Variants in B3GALT1 observed in about 807,000 individuals in gnomAD.
The protein encoded by B3GALT1 is UDP-Gal:betaGlcNAc beta 1,3-galactosyltransferase, polypeptide 1.
A neutral mutation model predicts 23.2 loss-of-function variants in B3GALT1; 10 were observed. The observed-to-expected ratio is 0.43, with a 90% confidence interval of 0.27 to 0.73. B3GALT1 has a LOEUF of 0.73. Among genes scored for constraint, B3GALT1 ranks in the 30% least tolerant of loss-of-function variants. The probability of loss-of-function intolerance (pLI) is 0.21; values close to 1 mark genes in which losing one functional copy is unlikely to be tolerated. For synonymous variants in B3GALT1, 156 were observed against 141.5 expected (o/e 1.10, Z -0.73); for missense variants, 299 against 405.4 (o/e 0.74, Z 2.25).
chr2:167,716,534 C>T (rs977591494), intron 3 of B3GALT1, among the ~76,000 whole-genome samples: 1 of 152,040 alleles, frequency 6.6e-6, no homozygotes, highest in Non-Finnish European at 1.5e-5. Flanking sequence ...TTTTTTCATC[C>T]TTTTAATTTG....
At chr2:167,604,224 T>C (rs1684924599) in intron 2 of B3GALT1, among the ~76,000 whole-genome samples, 1 of 152,152 alleles carries the variant, frequency 6.6e-6, no homozygotes. Context: ...AAGGAAACTT[T>C]AATATACTGA....
At chr2:167,600,164 T>C (rs980008544) in intron 2 of B3GALT1, among the ~76,000 whole-genome samples, 1 of 152,112 alleles carries the variant, frequency 6.6e-6, no homozygotes, top group Non-Finnish European at 1.5e-5. Context: ...TGAAATGACC[T>C]TCAAAATCAA....
chr2:167,699,338 G>A (rs894851903), intron 3 of B3GALT1, among the ~76,000 whole-genome samples: 15 of 149,670 alleles, frequency 1.0e-4, no homozygotes, highest in Non-Finnish European at 1.0e-4. Flanking sequence ...GTTGCAGGAA[G>A]GGTACAATAC....
intron 2 of B3GALT1, among the ~76,000 whole-genome samples, chr2:167,563,371 T>C (rs1574139800): frequency 8.8e-6 from 1 of 113,670 alleles, no homozygotes. Flanking sequence ...CTCCCCCACC[T>C]CCCTCCCTCC....
At chr2:167,507,775 A>G (rs763173190) in intron 2 of B3GALT1, among the ~76,000 whole-genome samples, 1 of 152,170 alleles carries the variant, frequency 6.6e-6, no homozygotes, top group African/African-American at 2.4e-5. Flanking sequence ...TTAACATTGT[A>G]AGACAAACCA....
chr2:167,615,333 G>A (rs1375567144), intron 2 of B3GALT1, among the ~76,000 whole-genome samples: 1 of 151,864 alleles, frequency 6.6e-6, no homozygotes, highest in Non-Finnish European at 1.5e-5. Context: ...TGAAAAAATC[G>A]GATTCATAGA....
chr2:167,431,434 A>G (rs1016993611), intron 1 of B3GALT1, among the ~76,000 whole-genome samples: 5 of 152,226 alleles, frequency 3.3e-5, no homozygotes, highest in African/African-American at 1.2e-4. Context: ...AATGGCTAAA[A>G]TACATCTCTG....
intron 2 of B3GALT1, chr2:167,631,509 T>C (rs1161132939): frequency 6.6e-6 from 1 of 151,864 alleles, no homozygotes; most frequent in African/African-American, 2.4e-5. Flanking sequence ...CTGGAAAACC[T>C]GCTAGACAAA....
intron 2 of B3GALT1, among the ~76,000 whole-genome samples, chr2:167,580,315 G>A (rs1281124710): frequency 6.6e-6 from 1 of 152,124 alleles, no homozygotes. Context: ...AACAATAGTA[G>A]CCTCTTGATC....
intron 2 of B3GALT1, among the ~76,000 whole-genome samples, chr2:167,566,115 T>C (rs1182272922): frequency 1.3e-5 from 2 of 152,228 alleles, no homozygotes; most frequent in East Asian, 1.9e-4. Flanking sequence ...TGTTCAACAA[T>C]GATAGACTGG....
intron 3 of B3GALT1, among the ~76,000 whole-genome samples, chr2:167,682,754 A>T (rs975444297): frequency 3.3e-5 from 5 of 152,204 alleles, no homozygotes; most frequent in African/African-American, 1.2e-4. Flanking sequence ...CCCTTGCTGT[A>T]AATTCCTTGC....
intron 1 of B3GALT1, among the ~76,000 whole-genome samples, chr2:167,309,642 A>G (rs1376974455): frequency 6.6e-6 from 1 of 152,046 alleles, no homozygotes; most frequent in African/African-American, 2.4e-5. Flanking sequence ...TTGAAATCAC[A>G]TTTATAACTC....
At chr2:167,300,769 G>A (rs909821789) in intron 1 of B3GALT1, among the ~76,000 whole-genome samples, 42 of 152,080 alleles carry the variant, frequency 2.8e-4, no homozygotes, top group Admixed American at 2.5e-3. Context: ...TCAGATGAAG[G>A]GAGGGTAAAC....
intron 2 of B3GALT1, among the ~76,000 whole-genome samples, chr2:167,616,983 A>G (rs1049836720): frequency 6.6e-6 from 1 of 152,126 alleles, no homozygotes; most frequent in African/African-American, 2.4e-5. Flanking sequence ...AAATATAATA[A>G]CCAAACAATG....
At chr2:167,433,926 A>G (rs372404093) in intron 1 of B3GALT1, among the ~76,000 whole-genome samples, 1 of 152,246 alleles carries the variant, frequency 6.6e-6, no homozygotes. Context: ...AGATTCTATC[A>G]TAAATAAATA....
chr2:167,515,817 G>A (rs1700091979), intron 2 of B3GALT1, among the ~76,000 whole-genome samples: 1 of 151,918 alleles, frequency 6.6e-6, no homozygotes, highest in African/African-American at 2.4e-5. Flanking sequence ...ACTTTACTGA[G>A]CAATCAAGAT....
chr2:167,364,890 A>G (rs1002732220), intron 1 of B3GALT1, among the ~76,000 whole-genome samples: 4 of 152,136 alleles, frequency 2.6e-5, no homozygotes, highest in African/African-American at 7.2e-5. Context: ...CCTAAAACCC[A>G]CTGTTATCTC....
At chr2:167,727,512 C>T (rs1175827970) in intron 3 of B3GALT1, among the ~76,000 whole-genome samples, 1 of 152,150 alleles carries the variant, frequency 6.6e-6, no homozygotes, top group African/African-American at 2.4e-5. Context: ...GTTCATTCCA[C>T]GTGCAAAACC....
At chr2:167,641,689 C>G (rs1398529936) in intron 2 of B3GALT1, among the ~76,000 whole-genome samples, 1 of 152,134 alleles carries the variant, frequency 6.6e-6, no homozygotes, top group African/African-American at 2.4e-5. Flanking sequence ...TTACAGTCTC[C>G]TGGTTCCCCT....
Sources: gnomAD v4.1 joint callset for allele counts (sites outside exome capture counted in the v4.1 genomes callset) on GRCh38, gnomAD v4.1.1 for gene constraint, MANE v1.5 for transcripts, NCBI Gene and HGNC (gene_info 2026-07-23, HGNC 2026-07-21) for gene names.